The following NECTIN1 variants were observed in gnomAD, a reference collection of about 807,000 sequenced individuals.
NECTIN1 encodes nectin-1.
In NECTIN1, 23 loss-of-function variants were observed where a neutral mutation model predicts 48.0. The ratio of observed to expected loss-of-function variants is 0.48; its 90% CI spans 0.34 to 0.68. The LOEUF (loss-of-function observed/expected upper bound fraction) is 0.68. Among genes scored for constraint, NECTIN1 ranks in the 30% least tolerant of loss-of-function variants. NECTIN1 has a pLI of 0.01. For synonymous variants in NECTIN1, 270 were observed against 288.9 expected (o/e 0.93, Z 0.66); for missense variants, 591 against 709.9 (o/e 0.83, Z 1.90).
Position 119,662,751 on chromosome 11 carries a change from AG to A in NECTIN1, c.*1995del. The A allele has an allele frequency of 7.1e-6, 7 of 986,320 alleles. No homozygotes were observed. The highest frequency in any genetic ancestry group is 8.4e-6 in the Non-Finnish European group (7 of 830,416). The allele number at this position is 986,320 out of a possible 1,614,324, so 61.1% of individuals were successfully genotyped here. A position where few individuals can be genotyped will look rare whatever the true frequency, so the allele number is the denominator to read the frequency against. ...GGGGGACACTAATACTGCTGGGAAAAGCAGCCCAGCTCCTCCACCTCCCTCT... is the reference window on the plus strand; with the variant it reads ...GGGGGACACTAATACTGCTGGGAAAACAGCCCAGCTCCTCCACCTCCCTCT... On this transcript the variant is annotated 3_prime_UTR_variant, in exon 6 of 6. Coordinates refer to ENST00000264025, the MANE Select transcript of NECTIN1 (RefSeq NM_002855.5). The surrounding 1 kb of genome is among the most constrained non-coding windows in gnomAD (Gnocchi z 5.3).
At chr11:119,648,283 G>GTGGTGATGCTGGTGGTGGTGATGC (rs1864430509) in intron 5 of NECTIN1, among the ~76,000 whole-genome samples, 1 of 11,246 alleles carries the variant, frequency 8.9e-5, no homozygotes, top group Non-Finnish European at 2.1e-4. Context: ...GGTGATGGTG[G>GTGGTGATGCTGGTGGTGGTGATGC]TGGTGATGGT....
At chr11:119,704,464 G>A (rs533398828) in intron 1 of NECTIN1, among the ~76,000 whole-genome samples, 15 of 152,084 alleles carry the variant, frequency 9.9e-5, no homozygotes, top group South Asian at 8.3e-4. Context: ...TGATCCACCC[G>A]CCTCGGCCTC....
chr11:119,659,657 G>A (rs925845830), downstream of NECTIN1, among the ~76,000 whole-genome samples: 6 of 152,154 alleles, frequency 3.9e-5, no homozygotes, highest in Non-Finnish European at 8.8e-5. Flanking sequence ...ACCAAGGCCT[G>A]GGGAAAGGAC....
intron 1 of NECTIN1, among the ~76,000 whole-genome samples, chr11:119,701,686 A>G (rs1056941405): frequency 6.6e-6 from 1 of 152,186 alleles, no homozygotes; most frequent in African/African-American, 2.4e-5. Context: ...GGAGATGTTA[A>G]TTAGTTCTGA....
downstream of NECTIN1, among the ~76,000 whole-genome samples, chr11:119,657,739 A>AAATACT (rs373403768): frequency 3.9e-5 from 5 of 128,286 alleles, no homozygotes; most frequent in African/African-American, 1.5e-4. Flanking sequence ...TGTCTCTATA[A>AAATACT]AATAATAATA....
chr11:119,686,875 GA>G (rs1865167285), intron 1 of NECTIN1, among the ~76,000 whole-genome samples: 1 of 152,274 alleles, frequency 6.6e-6, no homozygotes, highest in Non-Finnish European at 1.5e-5. Flanking sequence ...ACGGAGTTTG[GA>G]AAAGGCCAGG....
At chr11:119,647,161 A>ATG (rs58590467) in intron 5 of NECTIN1, among the ~76,000 whole-genome samples, 4,948 of 84,512 alleles carry the variant, frequency 0.059, 281 homozygotes, top group Admixed American at 0.069. Flanking sequence ...CTTGCGGCGC[A>ATG]TGTGTGTGTG....
intron 5 of NECTIN1, among the ~76,000 whole-genome samples, chr11:119,668,752 G>A (rs1310142271): frequency 6.6e-6 from 1 of 152,232 alleles, no homozygotes; most frequent in African/African-American, 2.4e-5. Context: ...GGTAAAGCCT[G>A]TATAAATTGC....
chr11:119,724,601 C>CA (rs1865880927), intron 1 of NECTIN1, among the ~76,000 whole-genome samples: 1 of 152,234 alleles, frequency 6.6e-6, no homozygotes, highest in Non-Finnish European at 1.5e-5. Context: ...CTGGACCACT[C>CA]ACAGGTCCTA....
Position 119,661,662 on chromosome 11 carries a change from G to C in NECTIN1, c.*3085C>G. 1 of 985,904 alleles carries C rather than the reference G, an allele frequency of 1.0e-6. No homozygotes were observed. 61.1% of individuals were successfully genotyped at this position (985,904 alleles called of 1,614,324 possible). A position where few individuals can be genotyped will look rare whatever the true frequency, so the allele number is the denominator to read the frequency against. On this transcript the variant is annotated 3_prime_UTR_variant, in exon 6 of 6. Transcript: ENST00000264025. ...AAAAGTTATTGCACCAGTGACTTGG[G>C]CAAGTGGGGGTTGGCTGGCAGAGGA...
At chr11:119,692,112 C>CT (rs1454813492) in intron 1 of NECTIN1, among the ~76,000 whole-genome samples, 1 of 34 alleles carries the variant, frequency 0.029, no homozygotes, top group African/African-American at 0.083. Context: ...TCCCATGCTT[C>CT]CCCGCCCGAC....
downstream of NECTIN1, among the ~76,000 whole-genome samples, chr11:119,660,491 T>G (rs1297603492): frequency 1.3e-5 from 2 of 151,980 alleles, no homozygotes; most frequent in Non-Finnish European, 2.9e-5. Context: ...AGGATAAAGC[T>G]CTCAGCTCTT....
At chr11:119,679,172 C>T (rs1458703645) in intron 1 of NECTIN1, among the ~76,000 whole-genome samples, 1 of 152,190 alleles carries the variant, frequency 6.6e-6, no homozygotes, top group Non-Finnish European at 1.5e-5. Flanking sequence ...GCTTTTCGAG[C>T]AGAGCCCCAG....
At chr11:119,710,795 G>A (rs1480944139) in intron 1 of NECTIN1, among the ~76,000 whole-genome samples, 1 of 152,098 alleles carries the variant, frequency 6.6e-6, no homozygotes. Flanking sequence ...AAGTCCTGGT[G>A]TGGAGAGTAT....
At chr11:119,707,219 C>T (rs984178082) in intron 1 of NECTIN1, among the ~76,000 whole-genome samples, 3 of 152,176 alleles carry the variant, frequency 2.0e-5, no homozygotes, top group African/African-American at 7.2e-5. Flanking sequence ...GACCAGGCTG[C>T]TGCTCACTCC....
At chr11:119,708,661 C>T (rs554947528) in intron 1 of NECTIN1, among the ~76,000 whole-genome samples, 8 of 152,086 alleles carry the variant, frequency 5.3e-5, no homozygotes, top group East Asian at 3.9e-4. Context: ...AGGTTCTTTC[C>T]GAGGTGATGA....
intron 5 of NECTIN1, among the ~76,000 whole-genome samples, chr11:119,654,720 C>T (rs996216208): frequency 1.3e-5 from 2 of 151,916 alleles, no homozygotes; most frequent in Non-Finnish European, 2.9e-5. Context: ...TACAGGTGCC[C>T]ACCACCATGC....
rs1169746670 is a variant in NECTIN1 at position 119,709,431 on chromosome 11, C to T, written c.79+19044G>A. On this transcript the variant is annotated intron_variant, in intron 1 of 5. Transcript: ENST00000264025. The surrounding 1 kb of genome is among the most constrained non-coding windows in gnomAD (Gnocchi z 4.1). Reference sequence around the variant, plus strand: ...GGGGGAGAGCCTGCAGGGGCAGGGGCGCAGAGGAAGCCGAGACTACCCTCT... The same window carrying T: ...GGGGGAGAGCCTGCAGGGGCAGGGGTGCAGAGGAAGCCGAGACTACCCTCT... Among the ~76,000 whole-genome samples the T allele has an allele frequency of 2.6e-5, 4 of 152,108 alleles. No individual in the cohort carries two copies. The highest frequency in any genetic ancestry group is 4.1e-4 in the South Asian group (2 of 4,822).
intron 5 of NECTIN1, among the ~76,000 whole-genome samples, chr11:119,650,830 G>A (rs1723927061): frequency 6.6e-6 from 1 of 152,152 alleles, no homozygotes; most frequent in Admixed American, 6.5e-5. Flanking sequence ...TATAAAGTAT[G>A]TTGAACACTG....
Sources: gnomAD v4.1 joint callset for allele counts (sites outside exome capture counted in the v4.1 genomes callset) on GRCh38, gnomAD v4.1.1 for gene constraint, Gnocchi (gnomAD v3.1) non-coding constraint, MANE v1.5 for transcripts, NCBI Gene and HGNC (gene_info 2026-07-23, HGNC 2026-07-21) for gene names.